Variants in XIRP2 observed in about 807,000 individuals in gnomAD.
XIRP2 encodes xin actin-binding repeat-containing protein 2.
XIRP2 carries 236 observed loss-of-function variants against 277.0 expected under a neutral mutation model. The ratio of observed to expected loss-of-function variants is 0.85; its 90% CI spans 0.77 to 0.95. The LOEUF is 0.95. XIRP2 is among the 40% of genes least tolerant of loss of function. The pLI is 0.00. For missense variants in XIRP2, 4,640 were observed against 4,157.5 expected, an observed-to-expected ratio of 1.12 and a Z score of -3.19; for synonymous variants, 1,490 against 1,416.5, an observed-to-expected ratio of 1.05 and a Z score of -1.17.
At chr2:167,151,997 A>G (rs1195169124) in intron 3 of XIRP2, among the ~76,000 whole-genome samples, 3 of 152,084 alleles carry the variant, frequency 2.0e-5, no homozygotes, top group East Asian at 3.9e-4. Context: ...CATTTTTTCT[A>G]TTGCCAAATT....
rs543058123 is a variant in XIRP2 at position 166,918,771 on chromosome 2, T to C, written c.408+14881T>C. Among the ~76,000 whole-genome samples, 3 of 152,212 alleles carry C rather than the reference T, an allele frequency of 2.0e-5. No individual in the cohort carries two copies. In the South Asian group the frequency reaches 6.2e-4, roughly 32 times the overall value. The stretch of plus-strand genomic sequence containing the variant: ...AATTGTACTATGGTTAAATAAGATA[T>C]TAAGATTAGGGAACATTTATTCCTT... On this transcript the variant is annotated intron_variant, in intron 2 of 10. Coordinates refer to ENST00000409195, the MANE Select transcript of XIRP2 (RefSeq NM_152381.6).
intron 2 of XIRP2, among the ~76,000 whole-genome samples, chr2:166,957,913 G>A (rs1324185954): frequency 6.6e-6 from 1 of 151,670 alleles, no homozygotes; most frequent in Non-Finnish European, 1.5e-5. Flanking sequence ...TTGAAACTTT[G>A]TTAGGAACTT....
At chr2:166,910,203 G>C (rs565285614) in intron 2 of XIRP2, among the ~76,000 whole-genome samples, 118 of 152,266 alleles carry the variant, frequency 7.7e-4, no homozygotes, top group Non-Finnish European at 1.4e-3. Flanking sequence ...GCTTCTCCTT[G>C]TACCTCTGGT....
chr2:167,095,347 T>G (rs2105279929), intron 2 of XIRP2, among the ~76,000 whole-genome samples: 1 of 152,314 alleles, frequency 6.6e-6, no homozygotes, highest in South Asian at 2.1e-4. Context: ...CTTCCAATAT[T>G]ATGTTGAATA....
In XIRP2 at chr2:167,246,615, A is replaced by G; in HGVS notation, c.5223A>G (p.Gly1741=). 6.2e-7 allele frequency: 1 copy of G among 1,613,776 alleles called. No individual in the cohort carries two copies. Among genetic ancestry groups the G allele is most frequent in the East Asian group, 2.2e-5 (1 of 44,830 alleles). The change falls in exon 9 of 11, where the codon GGA becomes GGG. Residue 1741 remains glycine (G), a synonymous_variant. Transcript: ENST00000409195. The stretch of plus-strand genomic sequence containing the variant: ...CTAAAATTGATGCCTCTGAGAGAGG[A>G]AATGTTCAGTTTTTCACAACCTGCA... ...ERAKIDASER[G]NVQFFTTCIE... is the part of the protein sequence containing the mutation.
intron 2 of XIRP2, among the ~76,000 whole-genome samples, chr2:166,981,723 C>T (rs1230748756): frequency 6.6e-6 from 1 of 152,088 alleles, no homozygotes; most frequent in Non-Finnish European, 1.5e-5. Flanking sequence ...CTTATAAGGA[C>T]ATCAGTCGTG....
Position 167,065,752 on chromosome 2 carries a change from C to A in XIRP2, c.409-70157C>A, listed in dbSNP as rs147019575. On this transcript the variant is annotated intron_variant, in intron 2 of 10. Transcript: ENST00000409195. Reference sequence around the variant, plus strand: ...CTTCTGCCTAAAGAACTTTCTGTAGCAATTTTTGTCATGCATGTTCCCAGG... The same window carrying A: ...CTTCTGCCTAAAGAACTTTCTGTAGAAATTTTTGTCATGCATGTTCCCAGG... Among the ~76,000 whole-genome samples the A allele has an allele frequency of 2.9e-3, 434 of 151,908 alleles. 1 individual carries two copies. The highest frequency in any genetic ancestry group is 1.0e-2 in the African/African-American group (414 of 41,474).
chr2:167,239,523 G>C (rs958192406), intron 5 of XIRP2, among the ~76,000 whole-genome samples: 1 of 152,204 alleles, frequency 6.6e-6, no homozygotes, highest in African/African-American at 2.4e-5. Context: ...GGCAAGGGCT[G>C]TTAGCCCAGG....
chr2:167,254,999 A>AT (rs569488767), intron 10 of XIRP2, among the ~76,000 whole-genome samples: 68 of 150,864 alleles, frequency 4.5e-4, no homozygotes, highest in Admixed American at 1.4e-3. Context: ...TCATGGCAAC[A>AT]TTTTTTTCCC....
At chr2:167,064,682 C>G (rs1304429723) in intron 2 of XIRP2, among the ~76,000 whole-genome samples, 1 of 151,792 alleles carries the variant, frequency 6.6e-6, no homozygotes, top group East Asian at 1.9e-4. Flanking sequence ...CCTTGTGCCT[C>G]TTGACAACCA....
At chr2:167,201,400 A>G (rs1243455435) in intron 3 of XIRP2, among the ~76,000 whole-genome samples, 4 of 151,846 alleles carry the variant, frequency 2.6e-5, no homozygotes, top group Non-Finnish European at 5.9e-5. Context: ...ATATACCTTC[A>G]GTATATACCT....
At chr2:167,213,976 T>A (rs1311907426) in intron 4 of XIRP2, among the ~76,000 whole-genome samples, 1 of 151,676 alleles carries the variant, frequency 6.6e-6, no homozygotes, top group Non-Finnish European at 1.5e-5. Flanking sequence ...CCTAGCACTT[T>A]GGGAGGCTGA....
intron 2 of XIRP2, among the ~76,000 whole-genome samples, chr2:167,000,191 A>G (rs1687326572): frequency 6.6e-6 from 1 of 152,164 alleles, no homozygotes; most frequent in Non-Finnish European, 1.5e-5. Flanking sequence ...ATGAAATTGA[A>G]AGTATTCCTC....
Position 166,888,480 on chromosome 2 carries a change from A to G in XIRP2, c.-96A>G, listed in dbSNP as rs1684012876. 6.6e-6 allele frequency: 1 copy of G among 152,160 alleles called. No homozygotes were observed. The highest frequency in any genetic ancestry group is 1.5e-5 in the Non-Finnish European group (1 of 68,032). 9.4% of individuals were successfully genotyped at this position (152,160 alleles called of 1,614,324 possible). A position where few individuals can be genotyped will look rare whatever the true frequency, so the allele number is the denominator to read the frequency against. ...ATGTGGGTGTATCCAGGAAGTCAGGATTATTTGGAGAAATCTGGCAGGTCT... is the reference window on the plus strand; with the variant it reads ...ATGTGGGTGTATCCAGGAAGTCAGGGTTATTTGGAGAAATCTGGCAGGTCT... On this transcript the variant is annotated 5_prime_UTR_variant, in exon 1 of 11. Coordinates refer to ENST00000409195, the MANE Select transcript of XIRP2 (RefSeq NM_152381.6).
chr2:167,223,003 A>G (rs1694477023), intron 5 of XIRP2, among the ~76,000 whole-genome samples: 1 of 152,168 alleles, frequency 6.6e-6, no homozygotes, highest in Non-Finnish European at 1.5e-5. Context: ...CTAATTTTAA[A>G]ATATTCTCAT....
chr2:167,078,440 T>A (rs1486544531), intron 2 of XIRP2, among the ~76,000 whole-genome samples: 1 of 152,228 alleles, frequency 6.6e-6, no homozygotes, highest in Non-Finnish European at 1.5e-5. Flanking sequence ...TTTTTCCTTT[T>A]CCTATTTGTA....
At chr2:167,019,866 CTT>C (rs1028674740) in intron 2 of XIRP2, among the ~76,000 whole-genome samples, 10 of 152,142 alleles carry the variant, frequency 6.6e-5, no homozygotes, top group South Asian at 2.1e-4. Flanking sequence ...TGCATTAAAA[CTT>C]ATATACATTT....
At position 167,240,693 on chromosome 2, in the gene XIRP2, A is replaced by G. The variant is rs200790461; in HGVS notation, c.999A>G (p.Glu333=). ...MVSHLEKHTE[E]VNQASQFHQY... is the part of the protein sequence containing the mutation. ...CTCATCTTGAAAAGCACACCGAGGA[A>G]GTAAACCAAGCATCTCAGTTTCATC... The change falls in exon 7 of 11, where the codon GAA becomes GAG. Residue 333 remains glutamate, a synonymous_variant. Coordinates refer to ENST00000409195, the MANE Select transcript of XIRP2 (RefSeq NM_152381.6). 3.7e-6 allele frequency: 6 copies of G among 1,613,958 alleles called. No homozygotes were observed. The highest frequency in any genetic ancestry group is 3.3e-5 in the Admixed American group (2 of 60,032).
chr2:166,956,394 G>T (rs1241438772), intron 2 of XIRP2, among the ~76,000 whole-genome samples: 1 of 151,780 alleles, frequency 6.6e-6, no homozygotes, highest in African/African-American at 2.4e-5. Flanking sequence ...TAACTAAGTT[G>T]TGGTAATTAA....
Sources: allele counts gnomAD v4.1 joint callset (sites outside exome capture counted in the v4.1 genomes callset), GRCh38; gene constraint gnomAD v4.1.1; transcripts MANE v1.5; gene names NCBI Gene and HGNC (gene_info 2026-07-23, HGNC 2026-07-21).